Variants in THOC2 observed in about 807,000 individuals in gnomAD.
The protein encoded by THOC2 is THO complex 2.
A neutral mutation model predicts 128.4 loss-of-function variants in THOC2; 10 were observed. The ratio of observed to expected loss-of-function variants is 0.08; its 90% confidence interval spans 0.05 to 0.13. The LOEUF is 0.13. THOC2 is among the 10% of genes least tolerant of loss of function. THOC2 has a pLI of 1.00. For synonymous variants in THOC2, 393 were observed against 396.9 expected (o/e 0.99, Z 0.12); for missense variants, 535 against 1,155.7 (o/e 0.46, Z 7.79).
At chrX:123,611,036 A>T in intron 37 of THOC2, 73 bp from the exon 38 acceptor site, 2 of 1,032,618 alleles carry the variant, frequency 1.9e-6, no homozygotes, top group Non-Finnish European at 2.7e-6. Context: ...TTAGTACAGC[A>T]CCTCAGGTTG....
At chrX:123,716,542 G>A (rs2051422619) in intron 1 of THOC2, among the ~76,000 whole-genome samples, 1 of 110,430 alleles carries the variant, frequency 9.1e-6, no homozygotes, top group African/African-American at 3.3e-5. Context: ...TGGCTAACAC[G>A]GTGAATCTCC....
At chrX:123,644,748 A>C in intron 14 of THOC2, 31 bp downstream of exon 14, 3 of 1,165,704 alleles carry the variant, frequency 2.6e-6, no homozygotes, top group Non-Finnish European at 3.5e-6. Context: ...AATTACTAAT[A>C]GTTAAAAACA....
intron 7 of THOC2, among the ~76,000 whole-genome samples, chrX:123,694,606 T>TA (rs140914528): frequency 0.39 from 26,756 of 68,674 alleles, 3,810 homozygotes; most frequent in East Asian, 0.77. Context: ...AGACTCCATC[T>TA]AAAAAAAAAA....
chrX:123,626,789 G>T, intron 23 of THOC2, 127 bp from the exon 24 acceptor site: 2 of 586,930 alleles, frequency 3.4e-6, no homozygotes, highest in Non-Finnish European at 5.0e-6. Flanking sequence ...AGGTCCACTT[G>T]AACGTGCTAC....
At chrX:123,694,133 A>T (rs778888170) in intron 7 of THOC2, among the ~76,000 whole-genome samples, 2 of 111,211 alleles carry the variant, frequency 1.8e-5, no homozygotes, top group Non-Finnish European at 3.8e-5. Flanking sequence ...AAATAGAAGA[A>T]ACAGATGTCA....
intron 12 of THOC2, among the ~76,000 whole-genome samples, chrX:123,650,324 G>C (rs1419571661): frequency 8.9e-6 from 1 of 111,777 alleles, no homozygotes; most frequent in Admixed American, 9.5e-5. Flanking sequence ...ATATGGAAAG[G>C]AAAGACTGAA....
At chrX:123,695,755 AT>A (rs1229268726) in intron 7 of THOC2, among the ~76,000 whole-genome samples, 2 of 111,556 alleles carry the variant, frequency 1.8e-5, no homozygotes, top group Middle Eastern at 4.6e-3. Context: ...ACCACTCAGG[AT>A]CCCCTCCACA....
intron 1 of THOC2, among the ~76,000 whole-genome samples, chrX:123,730,755 T>A (rs2052210194): frequency 9.0e-6 from 1 of 111,190 alleles, no homozygotes; most frequent in South Asian, 3.7e-4. Context: ...CCATCCTGGA[T>A]AACACGGTGA....
intron 21 of THOC2, 30 bp downstream of exon 21, chrX:123,632,831 T>G (rs1304308480): frequency 3.0e-5 from 34 of 1,138,258 alleles, no homozygotes; most frequent in Non-Finnish European, 3.7e-5. Flanking sequence ...TAAAAACATG[T>G]ACATAAACAT....
intron 38 of THOC2, among the ~76,000 whole-genome samples, chrX:123,604,693 G>C (rs2046403618): frequency 9.0e-6 from 1 of 111,727 alleles, no homozygotes; most frequent in South Asian, 3.7e-4. Flanking sequence ...AAGGTCCTAA[G>C]AAATGTTTTA....
chrX:123,611,554 C>T (rs766681648), intron 36 of THOC2, 38 bp from the exon 37 acceptor site: 3 of 962,595 alleles, frequency 3.1e-6, no homozygotes, highest in Admixed American at 2.4e-5. Flanking sequence ...GAAGGGAAAG[C>T]CAAATATAAA....
At chrX:123,623,381 A>ATGTGTG in intron 28 of THOC2, 98 bp from the exon 29 acceptor site, 1 of 870,094 alleles carries the variant, frequency 1.1e-6, no homozygotes, top group Non-Finnish European at 1.6e-6. Context: ...TCATTCTACT[A>ATGTGTG]TGTGGTTCTA....
chrX:123,667,314 T>C, intron 10 of THOC2, 36 bp from the exon 11 acceptor site: 1 of 1,038,633 alleles, frequency 9.6e-7, no homozygotes, highest in Non-Finnish European at 1.3e-6. Flanking sequence ...ATACTCAGGA[T>C]ACAGACATCA....
At chrX:123,610,166 G>C (rs2046648153) in intron 38 of THOC2, 1 of 111,234 alleles carries the variant, frequency 9.0e-6, no homozygotes, top group African/African-American at 3.3e-5. Context: ...TAACTATTCA[G>C]ATTATCTTAA....
At chrX:123,653,449 A>G (rs878892732) in intron 12 of THOC2, among the ~76,000 whole-genome samples, 2 of 112,037 alleles carry the variant, frequency 1.8e-5, no homozygotes, top group Non-Finnish European at 3.8e-5. Flanking sequence ...TATTCTGCAC[A>G]GCAAAAGAAA....
intron 12 of THOC2, among the ~76,000 whole-genome samples, chrX:123,651,078 T>C (rs904850994): frequency 1.3e-4 from 14 of 111,375 alleles, no homozygotes; most frequent in African/African-American, 4.6e-4. Context: ...CCTCAGGACA[T>C]GCAAAATAAT....
At chrX:123,623,739 C>T in intron 28 of THOC2, 48 bp downstream of exon 28, 1 of 1,197,286 alleles carries the variant, frequency 8.4e-7, no homozygotes, top group African/African-American at 1.7e-5. Flanking sequence ...CTTCAGAATC[C>T]TTCTGTCATC....
At chrX:123,636,610 A>G (rs897869143) in intron 18 of THOC2, among the ~76,000 whole-genome samples, 3 of 111,647 alleles carry the variant, frequency 2.7e-5, no homozygotes, top group African/African-American at 9.8e-5. Flanking sequence ...ATGTGAGTCA[A>G]GAAAAAAAAA....
chrX:123,697,893 G>C, intron 4 of THOC2, 142 bp from the exon 5 acceptor site: 1 of 393,909 alleles, frequency 2.5e-6, no homozygotes, highest in Non-Finnish European at 4.4e-6. Flanking sequence ...ATGGTAACAT[G>C]AGATGTTATA....
Sources: allele counts gnomAD v4.1 joint callset (sites outside exome capture counted in the v4.1 genomes callset), GRCh38; gene constraint gnomAD v4.1.1; transcripts MANE v1.5; gene names NCBI Gene and HGNC (gene_info 2026-07-23, HGNC 2026-07-21).